The following VPS13C variants were observed in gnomAD, a reference collection of about 807,000 sequenced individuals.
The protein encoded by VPS13C is vacuolar protein sorting 13 homolog C, also known as intermembrane lipid transfer protein VPS13C.
A neutral mutation model predicts 456.8 loss-of-function variants in VPS13C; 358 were observed. The ratio of observed to expected loss-of-function variants is 0.78; its 90% confidence interval spans 0.72 to 0.86. The LOEUF is 0.86. Ranked by LOEUF, VPS13C falls within the 40% of genes least tolerant of loss-of-function variation. The pLI is 0.00. For missense variants in VPS13C, 4,818 were observed against 4,385.4 expected (o/e 1.10, Z -2.79); for synonymous variants, 1,578 against 1,486.7 (o/e 1.06, Z -1.41).
intron 24 of VPS13C, among the ~76,000 whole-genome samples, chr15:61,976,810 T>C (rs538415527): frequency 6.6e-6 from 1 of 152,138 alleles, no homozygotes; most frequent in East Asian, 1.9e-4. Flanking sequence ...GTTCGAAGAT[T>C]TTATTTTGTT....
chr15:62,025,452 A>G (rs1324237593), intron 6 of VPS13C, among the ~76,000 whole-genome samples: 3 of 152,116 alleles, frequency 2.0e-5, no homozygotes, highest in Non-Finnish European at 4.4e-5. Context: ...TCTCAAAGAA[A>G]TACCATTTGA....
At chr15:61,992,580 T>C (rs917892759) in intron 16 of VPS13C, among the ~76,000 whole-genome samples, 3 of 152,112 alleles carry the variant, frequency 2.0e-5, no homozygotes, top group South Asian at 2.1e-4. Context: ...TTGAATTCTA[T>C]AGTAAAGAGA....
rs550589608 is a variant in VPS13C, at chr15:61,978,635, C to A, written c.2281G>T (p.Ala761Ser). 6.2e-7 allele frequency: 1 copy of A among 1,609,810 alleles called. No homozygotes were observed. The highest frequency in any genetic ancestry group is 8.5e-7 in the Non-Finnish European group (1 of 1,178,688). Residue 761 changes from alanine (A) to serine (S), a missense_variant, in exon 23 of 85, where the codon GCA becomes TCA. Around this residue, in one of 3 missense-constraint regions of VPS13C, gnomAD observed 4,552 missense variants for 4,130.6 expected, o/e 1.10. Transcript: ENST00000644861. ...CTGAATAACGGTTTACCTGCTCTTGCAAAAAGTAGTTGTACATTTTTTATT... is the reference window on the plus strand; with the variant it reads ...CTGAATAACGGTTTACCTGCTCTTGAAAAAAGTAGTTGTACATTTTTTATT... The part of the protein sequence containing the change: ...VEIKNVQLLF[A>S]RAEETWKKCR...
rs751810764 is a variant in VPS13C, at chr15:61,946,289, A to T, written c.4980+18T>A. On this transcript the variant is annotated intron_variant, in intron 44 of 84. Transcript: ENST00000644861. ...AAGGCAAAATAAATTCCAATATAAA[A>T]ATCTATTTTTTAATCACCTTTTTGT... The T allele has an allele frequency of 1.9e-6, 3 of 1,550,266 alleles. No individual in the cohort carries two copies. Among genetic ancestry groups the T allele is most frequent in the Non-Finnish European group, 2.6e-6 (3 of 1,146,350 alleles).
At chr15:62,015,581 G>C (rs1596479494) in intron 9 of VPS13C, among the ~76,000 whole-genome samples, 1 of 139,460 alleles carries the variant, frequency 7.2e-6, no homozygotes, top group Non-Finnish European at 1.5e-5. Context: ...ATACACCATG[G>C]AATACTATGC....
rs1175312003 is a variant in VPS13C at position 61,882,455 on chromosome 15, A to G, written c.9624+141T>C. On this transcript the variant is annotated intron_variant, in intron 69 of 84. Transcript: ENST00000644861. ...ATAAGTAAGATGTTAAATAAACAGG[A>G]TATGTGGAAAAAGGGGAAAAAACAT... The G allele has an allele frequency of 1.1e-5, 9 of 817,202 alleles. No individual in the cohort carries two copies. In the East Asian group the frequency reaches 2.0e-4, roughly 18 times the overall value. 50.6% of individuals were successfully genotyped at this position (817,202 alleles called of 1,614,324 possible).
Position 61,922,491 on chromosome 15 carries a change from C to A in VPS13C, c.6881G>T (p.Arg2294Leu), listed in dbSNP as rs560778934. 3.7e-6 allele frequency: 6 copies of A among 1,613,864 alleles called. No individual in the cohort carries two copies. Among genetic ancestry groups the A allele is most frequent in the Non-Finnish European group, 5.1e-6 (6 of 1,179,968 alleles). The change falls in exon 54 of 85, where the codon CGA becomes CTA. Residue 2294 changes from arginine to leucine, a missense_variant. Physicochemically the swap from Arg to Leu is moderately radical, Grantham distance 102 (BLOSUM62 -2). Transcript: ENST00000644861. Reference protein sequence around the residue: ...QVTLECGLGHRTVPLLLAESK... With the variant: ...QVTLECGLGHLTVPLLLAESK... ...CTCTGCCAATAATAAAGGTACAGTT[C>A]GATGTCCAAGGCCACATTCTAAGGT...
intron 81 of VPS13C, chr15:61,866,405 AAATT>A (rs1894595424): frequency 2.0e-6 from 2 of 983,644 alleles, no homozygotes; most frequent in South Asian, 4.7e-5. Context: ...CACAAGGAAA[AAATT>A]AATAACAGAG....
At chr15:61,966,215 G>T in intron 29 of VPS13C, 73 bp from the exon 30 acceptor site, 1 of 1,018,662 alleles carries the variant, frequency 9.8e-7, no homozygotes, top group Middle Eastern at 3.0e-4. Context: ...TATTATCTCT[G>T]GTTAATTTAT....
intron 69 of VPS13C, 42 bp from the exon 70 acceptor site, chr15:61,881,870 T>G (rs984222902): frequency 2.0e-6 from 3 of 1,527,618 alleles, no homozygotes; most frequent in Non-Finnish European, 2.6e-6. Flanking sequence ...TTCAAATAAT[T>G]TAAACTTTTA....
intron 8 of VPS13C, 113 bp from the exon 9 acceptor site, chr15:62,020,651 A>C: frequency 1.0e-6 from 1 of 953,718 alleles, no homozygotes. Context: ...ATACAACCCA[A>C]ATGGATTTGT....
intron 82 of VPS13C, chr15:61,856,619 TC>T: frequency 3.1e-6 from 1 of 318,628 alleles, no homozygotes; most frequent in Non-Finnish European, 5.6e-6. Flanking sequence ...CAAAGTAGAC[TC>T]AAAAATTCCC....
Position 61,920,171 on chromosome 15 carries a change from G to A in VPS13C, c.7373C>T (p.Ala2458Val). 8 of 1,613,560 alleles carry A rather than the reference G, an allele frequency of 5.0e-6. No individual in the cohort carries two copies. Among genetic ancestry groups the A allele is most frequent in the Non-Finnish European group, 5.1e-6 (6 of 1,179,668 alleles). ...ATACTCCAGTTCCAAATTCTGGCCA[G>A]CATCAACATCAAAAATATCACTTTT... ...PEKSDIFDVD[A>V]GQNLELEYAS... Residue 2458 changes from alanine (A) to valine (V), a missense_variant, in exon 57 of 85, where the codon GCT becomes GTT. Coordinates refer to ENST00000644861, the MANE Select transcript of VPS13C (RefSeq NM_020821.3).
intron 84 of VPS13C, 61 bp downstream of exon 84, chr15:61,854,810 G>A (rs1166085279): frequency 1.1e-5 from 15 of 1,423,888 alleles, no homozygotes; most frequent in Middle Eastern, 3.6e-4. Context: ...TTCATTATAA[G>A]AGGCTTTTAA....
At chr15:62,039,361 C>T (rs574882034) in intron 3 of VPS13C, among the ~76,000 whole-genome samples, 19 of 152,124 alleles carry the variant, frequency 1.2e-4, no homozygotes, top group African/African-American at 4.6e-4. Flanking sequence ...TATGTTCTCA[C>T]TTACAAGTAG....
At chr15:61,914,895 A>AC (rs2043417774) in intron 61 of VPS13C, among the ~76,000 whole-genome samples, 2 of 150,854 alleles carry the variant, frequency 1.3e-5, no homozygotes, top group African/African-American at 4.9e-5. Flanking sequence ...AAAAAAAAAA[A>AC]AAAAAAAAAA....
chr15:61,944,398 A>T (rs1181746667), intron 45 of VPS13C, among the ~76,000 whole-genome samples: 2 of 152,200 alleles, frequency 1.3e-5, no homozygotes, highest in Non-Finnish European at 1.5e-5. Context: ...GCCCATCAAC[A>T]GTGGACTAGA....
chr15:61,922,957 T>C (rs1188253460), intron 53 of VPS13C, among the ~76,000 whole-genome samples, 195 bp from the exon 54 acceptor site: 1 of 152,162 alleles, frequency 6.6e-6, no homozygotes, highest in African/African-American at 2.4e-5. Flanking sequence ...CACAAAATTA[T>C]GTGTCAAGCC....
chr15:61,904,564 A>G (rs1184776682), intron 66 of VPS13C, among the ~76,000 whole-genome samples: 1 of 152,052 alleles, frequency 6.6e-6, no homozygotes, highest in East Asian at 1.9e-4. Context: ...GTAAAGTAGT[A>G]GAGCTACATG....
Sources: gnomAD v4.1 joint callset for allele counts (sites outside exome capture counted in the v4.1 genomes callset) on GRCh38, gnomAD v4.1.1 for gene constraint, gnomAD v4.1.1 regional missense constraint, MANE v1.5 for transcripts, NCBI Gene and HGNC (gene_info 2026-07-23, HGNC 2026-07-21) for gene names.